The following PRKCE variants were observed in gnomAD, a reference collection of about 807,000 sequenced individuals.
PRKCE encodes protein kinase C epsilon, also known as protein kinase C epsilon type.
PRKCE carries 16 observed loss-of-function variants against 85.4 expected under a neutral mutation model. That is an observed-to-expected ratio of 0.19 (90% confidence interval 0.13 to 0.28). The LOEUF (loss-of-function observed/expected upper bound fraction) is 0.28, where lower values mean the gene tolerates loss of function less well. Among genes scored for constraint, PRKCE ranks in the 10% least tolerant of loss-of-function variants. The pLI, the probability that PRKCE is intolerant of heterozygous loss-of-function variation, is 1.00. For synonymous variants in PRKCE, 388 were observed against 371.5 expected, an observed-to-expected ratio of 1.04 and a Z score of -0.51; for missense variants, 573 against 975.2, an observed-to-expected ratio of 0.59 and a Z score of 5.49.
chr2:45,752,766 C>T (rs11679987), intron 1 of PRKCE, among the ~76,000 whole-genome samples: 11,360 of 152,182 alleles, frequency 0.075, 528 homozygotes, highest in African/African-American at 0.13. Context: ...TAGGTACCTA[C>T]CTCCACCTCA....
intron 2 of PRKCE, among the ~76,000 whole-genome samples, chr2:45,846,566 T>C (rs1691805986): frequency 6.6e-6 from 1 of 152,170 alleles, no homozygotes; most frequent in Non-Finnish European, 1.5e-5. Flanking sequence ...ATGATGCAGA[T>C]AAGTCAAGTT....
chr2:45,710,641 T>C (rs1183674415), intron 1 of PRKCE, among the ~76,000 whole-genome samples: 2 of 152,246 alleles, frequency 1.3e-5, no homozygotes, highest in Admixed American at 6.5e-5. Context: ...GCTCTGGACA[T>C]TGCGGCTCCA....
Position 46,155,650 on chromosome 2 carries a change from CA to C in PRKCE, c.1921-3953del, listed in dbSNP as rs1336309249. ...GGTCCCCCTCAAATCTGCTCACTCTCAAATTCCTTGGTTCAGTAAATGGCAC... is the reference window on the plus strand; with the variant it reads ...GGTCCCCCTCAAATCTGCTCACTCTCAATTCCTTGGTTCAGTAAATGGCAC... On this transcript the variant is annotated intron_variant, in intron 13 of 14. Transcript: ENST00000306156. The surrounding 1 kb of genome is among the most constrained non-coding windows in gnomAD (Gnocchi z 4.7). Among the ~76,000 whole-genome samples the C allele has an allele frequency of 6.6e-6, 1 of 152,204 alleles. No homozygotes were observed. Among genetic ancestry groups the C allele is most frequent in the Non-Finnish European group, 1.5e-5 (1 of 68,030 alleles).
intron 11 of PRKCE, among the ~76,000 whole-genome samples, chr2:46,094,432 A>G (rs1177538396): frequency 6.6e-6 from 1 of 152,240 alleles, no homozygotes; most frequent in African/African-American, 2.4e-5. Context: ...TGGGCATAGA[A>G]TTTTAGATTA....
At chr2:46,050,515 C>A (rs577524465) in intron 10 of PRKCE, among the ~76,000 whole-genome samples, 1 of 152,338 alleles carries the variant, frequency 6.6e-6, no homozygotes, top group South Asian at 2.1e-4. Context: ...GCCTTCCACA[C>A]CTCTTCTCTC....
intron 1 of PRKCE, among the ~76,000 whole-genome samples, chr2:45,707,747 T>C (rs1679234342): frequency 6.6e-6 from 1 of 152,180 alleles, no homozygotes. Context: ...TGAAATAAAA[T>C]GGAAATAGCT....
intron 10 of PRKCE, among the ~76,000 whole-genome samples, chr2:46,028,243 A>G (rs1165762787): frequency 6.6e-6 from 1 of 152,196 alleles, no homozygotes; most frequent in East Asian, 1.9e-4. Flanking sequence ...CGTCCGGCCG[A>G]AGGTTGGGAT....
At chr2:45,713,016 T>C (rs1471278287) in intron 1 of PRKCE, among the ~76,000 whole-genome samples, 2 of 152,216 alleles carry the variant, frequency 1.3e-5, no homozygotes, top group Non-Finnish European at 2.9e-5. Flanking sequence ...CGCATCATGA[T>C]TCAAAAGCTC....
intron 1 of PRKCE, among the ~76,000 whole-genome samples, chr2:45,832,887 A>G (rs1305153110): frequency 6.6e-6 from 1 of 152,236 alleles, no homozygotes; most frequent in African/African-American, 2.4e-5. Context: ...TTCTTCACAT[A>G]GGTAACACAT....
chr2:46,117,350 T>C (rs984113676), intron 11 of PRKCE, among the ~76,000 whole-genome samples: 20 of 152,254 alleles, frequency 1.3e-4, no homozygotes, highest in Non-Finnish European at 5.9e-5. Flanking sequence ...CTTTTGTGGC[T>C]AATAATCCTG....
intron 2 of PRKCE, among the ~76,000 whole-genome samples, chr2:45,854,903 A>G (rs912680954): frequency 3.9e-5 from 6 of 152,194 alleles, no homozygotes; most frequent in Admixed American, 3.9e-4. Flanking sequence ...AGTTATAGGG[A>G]GGCAGATTTC....
chr2:45,722,538 G>A (rs1386542799), intron 1 of PRKCE, among the ~76,000 whole-genome samples: 2 of 152,256 alleles, frequency 1.3e-5, no homozygotes, highest in Non-Finnish European at 2.9e-5. Flanking sequence ...AGAAGAGGAT[G>A]CTGAACTTGG....
intron 11 of PRKCE, among the ~76,000 whole-genome samples, chr2:46,127,601 C>T (rs1673987720): frequency 1.3e-5 from 2 of 152,204 alleles, no homozygotes; most frequent in South Asian, 4.1e-4. Flanking sequence ...TGATGGCCAG[C>T]AGGGCCTCTC....
At chr2:46,170,678 C>T (rs1481646178) in intron 14 of PRKCE, among the ~76,000 whole-genome samples, 2 of 152,072 alleles carry the variant, frequency 1.3e-5, no homozygotes, top group East Asian at 1.9e-4. Context: ...AGTATATGCC[C>T]GGGAATTTGG....
At chr2:45,749,561 A>T (rs1047862033) in intron 1 of PRKCE, among the ~76,000 whole-genome samples, 1 of 152,240 alleles carries the variant, frequency 6.6e-6, no homozygotes, top group African/African-American at 2.4e-5. Context: ...AGTACTAAAT[A>T]TGAAATGACA....
At chr2:45,721,587 T>C (rs1388926945) in intron 1 of PRKCE, among the ~76,000 whole-genome samples, 2 of 152,006 alleles carry the variant, frequency 1.3e-5, no homozygotes, top group Non-Finnish European at 2.9e-5. Context: ...AACACATAGA[T>C]GAGAGTTGAC....
chr2:45,887,765 A>G (rs910941826), intron 2 of PRKCE, among the ~76,000 whole-genome samples: 1 of 152,242 alleles, frequency 6.6e-6, no homozygotes. Context: ...TAAAACTGTC[A>G]TAGAAGAACC....
intron 1 of PRKCE, among the ~76,000 whole-genome samples, chr2:45,692,700 C>T (rs1218325571): frequency 2.3e-5 from 3 of 132,614 alleles, no homozygotes; most frequent in African/African-American, 8.3e-5. Context: ...CTGAAGAGTC[C>T]AAGGGAGGAC....
At chr2:46,095,153 AC>A (rs1315502479) in intron 11 of PRKCE, among the ~76,000 whole-genome samples, 3 of 152,210 alleles carry the variant, frequency 2.0e-5, no homozygotes, top group Non-Finnish European at 4.4e-5. Context: ...GGACTAGTCA[AC>A]TTGGGGTTCA....
Sources: allele counts gnomAD v4.1 joint callset (sites outside exome capture counted in the v4.1 genomes callset), GRCh38; gene constraint gnomAD v4.1.1; non-coding constraint Gnocchi (gnomAD v3.1); transcripts MANE v1.5; gene names NCBI Gene and HGNC (gene_info 2026-07-23, HGNC 2026-07-21).